Variants in TANC1 observed in about 807,000 individuals in gnomAD.
TANC1 encodes the protein protein TANC1.
TANC1 carries 77 observed loss-of-function variants against 149.7 expected under a neutral mutation model. That is an observed-to-expected ratio of 0.51 (90% CI 0.43 to 0.62). The LOEUF is 0.62. Ranked by LOEUF, TANC1 falls within the 20% of genes least tolerant of loss-of-function variation. The pLI, the probability that TANC1 is intolerant of heterozygous loss-of-function variation, is 0.00. For missense variants in TANC1, 1,985 were observed against 2,321.8 expected (o/e 0.85, Z 2.98); for synonymous variants, 854 against 925.0 (o/e 0.92, Z 1.39).
intron 2 of TANC1, among the ~76,000 whole-genome samples, chr2:159,053,987 TG>T (rs1166047487): frequency 3.9e-5 from 6 of 152,230 alleles, no homozygotes; most frequent in African/African-American, 1.4e-4. Flanking sequence ...CAGGTGTTTT[TG>T]TTTTTTTCAG....
At chr2:159,052,970 A>C (rs2041578767) in intron 2 of TANC1, among the ~76,000 whole-genome samples, 2 of 152,212 alleles carry the variant, frequency 1.3e-5, no homozygotes, top group South Asian at 4.1e-4. Context: ...CTTTGTAATA[A>C]GACTGTCTAC....
intron 13 of TANC1, 49 bp downstream of exon 13, chr2:159,176,567 C>T (rs1196658283): frequency 6.5e-6 from 9 of 1,387,270 alleles, no homozygotes; most frequent in East Asian, 2.3e-5. Flanking sequence ...TCCAATTTTA[C>T]AGTGATAAAT....
At chr2:159,220,984 T>C (rs1036323512) in intron 22 of TANC1, among the ~76,000 whole-genome samples, 2 of 152,250 alleles carry the variant, frequency 1.3e-5, no homozygotes, top group Non-Finnish European at 2.9e-5. Flanking sequence ...GGCTAATTCA[T>C]GTATCCATCA....
intron 19 of TANC1, among the ~76,000 whole-genome samples, 181 bp from the exon 20 acceptor site, chr2:159,217,316 G>C (rs1164000095): frequency 6.6e-6 from 1 of 152,222 alleles, no homozygotes; most frequent in African/African-American, 2.4e-5. Flanking sequence ...GCCTTGACAT[G>C]CACACAGAAT....
At chr2:159,130,249 G>T (rs1028333292) in intron 4 of TANC1, among the ~76,000 whole-genome samples, 4 of 152,156 alleles carry the variant, frequency 2.6e-5, no homozygotes, top group Non-Finnish European at 5.9e-5. Flanking sequence ...TGCTTTCTGG[G>T]TAATTATTAT....
In TANC1 at chr2:159,098,962, G is replaced by C. The variant is rs747677500; in HGVS notation, c.259+1128G>C. On this transcript the variant is annotated intron_variant, in intron 4 of 26. Transcript: ENST00000263635. The stretch of plus-strand genomic sequence containing the variant: ...TCAGAATCTATCAAAAATGTGCCTA[G>C]GGCTGTGAAATGGTATCTGTTTCTC... 8.6e-5 allele frequency among the ~76,000 whole-genome samples: 13 copies of C among 151,988 alleles called. 1 individual carries two copies. Among genetic ancestry groups the C allele is most frequent in the Non-Finnish European group, 2.9e-5 (2 of 68,004 alleles).
intron 1 of TANC1, among the ~76,000 whole-genome samples, chr2:158,992,564 G>A (rs1194290765): frequency 2.0e-5 from 3 of 151,836 alleles, no homozygotes; most frequent in Non-Finnish European, 4.4e-5. Context: ...GTGTAGTGGC[G>A]CGATCTTGGC....
At chr2:159,195,712 T>C (rs979060090) in intron 17 of TANC1, among the ~76,000 whole-genome samples, 7 of 152,210 alleles carry the variant, frequency 4.6e-5, no homozygotes, top group Non-Finnish European at 7.3e-5. Context: ...ATGTTACTGC[T>C]GCACATCACC....
At chr2:159,065,644 T>G (rs1476508008) in intron 2 of TANC1, among the ~76,000 whole-genome samples, 1 of 151,950 alleles carries the variant, frequency 6.6e-6, no homozygotes, top group Non-Finnish European at 1.5e-5. Context: ...ACTATTGTTT[T>G]TTTTTTTTTT....
At chr2:159,225,664 T>G (rs1164130760) in intron 23 of TANC1, 24 bp from the exon 24 acceptor site, 2 of 1,604,876 alleles carry the variant, frequency 1.2e-6, no homozygotes, top group East Asian at 2.2e-5. Flanking sequence ...CTGAAGTGCC[T>G]CTGAATGCGT....
intron 2 of TANC1, among the ~76,000 whole-genome samples, chr2:159,039,220 ATC>A (rs1352473344): frequency 6.6e-6 from 1 of 151,770 alleles, no homozygotes; most frequent in Admixed American, 6.6e-5. Flanking sequence ...TTTTTATTGC[ATC>A]TGTTTGATTC....
At chr2:159,213,683 A>G (rs547083963) in intron 19 of TANC1, among the ~76,000 whole-genome samples, 6 of 152,058 alleles carry the variant, frequency 3.9e-5, no homozygotes, top group Non-Finnish European at 8.8e-5. Flanking sequence ...AGTGATGCAG[A>G]TGGCAATATT....
intron 1 of TANC1, among the ~76,000 whole-genome samples, chr2:159,000,343 G>A (rs896054489): frequency 6.6e-6 from 1 of 152,156 alleles, no homozygotes; most frequent in Admixed American, 6.5e-5. Context: ...AAGCCTGCTG[G>A]CTTCTGTTAC....
At chr2:159,149,354 C>T (rs556919133) in intron 6 of TANC1, 82 bp downstream of exon 6, 1,099 of 1,575,244 alleles carry the variant, frequency 7.0e-4, no homozygotes, top group Non-Finnish European at 8.9e-4. Context: ...TTTCCTTGAG[C>T]AGGGAAGCCA....
At chr2:159,061,819 T>C (rs960940523) in intron 2 of TANC1, among the ~76,000 whole-genome samples, 4 of 152,208 alleles carry the variant, frequency 2.6e-5, no homozygotes, top group African/African-American at 7.2e-5. Flanking sequence ...CAAAGACTTA[T>C]TCTTAAGTAT....
chr2:159,005,460 T>C (rs1348310941), intron 2 of TANC1, among the ~76,000 whole-genome samples: 2 of 152,048 alleles, frequency 1.3e-5, no homozygotes, highest in Non-Finnish European at 2.9e-5. Flanking sequence ...ACATGGTGGC[T>C]TGCGCCTATA....
intron 24 of TANC1, chr2:159,226,160 A>C: frequency 4.6e-6 from 1 of 218,764 alleles, no homozygotes; most frequent in African/African-American, 2.4e-5. Flanking sequence ...ACAGAGTGAG[A>C]CTCAGTCTCA....
intron 4 of TANC1, among the ~76,000 whole-genome samples, chr2:159,128,844 A>G (rs780429281): frequency 2.0e-5 from 3 of 152,190 alleles, no homozygotes; most frequent in Non-Finnish European, 4.4e-5. Context: ...CTTGCTCCTT[A>G]AAATCCAAGA....
chr2:159,136,166 A>C (rs1245211285), intron 4 of TANC1, 28 bp from the exon 5 acceptor site: 2 of 1,343,616 alleles, frequency 1.5e-6, no homozygotes, highest in East Asian at 2.3e-5. Context: ...GGAAAAAATT[A>C]GCCACACTCA....
Sources: gnomAD v4.1 joint callset for allele counts (sites outside exome capture counted in the v4.1 genomes callset) on GRCh38, gnomAD v4.1.1 for gene constraint, MANE v1.5 for transcripts, NCBI Gene and HGNC (gene_info 2026-07-23, HGNC 2026-07-21) for gene names.